The following C4orf51 variants were observed in gnomAD, a reference collection of about 807,000 sequenced individuals.
The protein encoded by C4orf51 is uncharacterized protein C4orf51.
In C4orf51, 25 loss-of-function variants were observed where a neutral mutation model predicts 25.2. The observed-to-expected ratio is 0.99, with a 90% CI of 0.72 to 1.39. The LOEUF (loss-of-function observed/expected upper bound fraction) is 1.39. C4orf51 is among the 40% of genes most tolerant of loss of function. The pLI, the probability that C4orf51 is intolerant of heterozygous loss-of-function variation, is 0.00. For synonymous variants in C4orf51, 100 were observed against 84.5 expected, an observed-to-expected ratio of 1.18 and a Z score of -1.01; for missense variants, 252 against 239.6, an observed-to-expected ratio of 1.05 and a Z score of -0.34.
rs555510769 is a variant in C4orf51, at chr4:145,719,499, G to A, written c.308-7412G>A. ...GGGCGCCTATAGTCCCAGCTACTCG[G>A]GAGGCTGAGGCAGGAGAATGGCGTG... On this transcript the variant is annotated intron_variant, in intron 2 of 5. Coordinates refer to ENST00000438731, the MANE Select transcript of C4orf51 (RefSeq NM_001080531.3). 3.3e-5 allele frequency among the ~76,000 whole-genome samples: 5 copies of A among 151,502 alleles called. No homozygotes were observed. The East Asian group carries it at 9.8e-4, about 30-fold the overall frequency.
At chr4:145,698,559 C>T (rs1730224038) in intron 2 of C4orf51, among the ~76,000 whole-genome samples, 1 of 152,130 alleles carries the variant, frequency 6.6e-6, no homozygotes, top group Non-Finnish European at 1.5e-5. Context: ...TTTTATGATA[C>T]AAATGAAGCC....
In C4orf51 at chr4:145,762,085, TA is replaced by T. The variant is rs1362372266; in HGVS notation, n.167-8902del. Among the ~76,000 whole-genome samples the T allele has an allele frequency of 2.0e-5, 3 of 152,228 alleles. No homozygotes were observed. Among genetic ancestry groups the T allele is most frequent in the East Asian group, 3.9e-4 (2 of 5,172 alleles). ...CTAAGAGGTTTTAAAGAACAGCTTATAGGGGGAGCGCTACCTCCAGCAAACA... is the reference window on the plus strand; with the variant it reads ...CTAAGAGGTTTTAAAGAACAGCTTATGGGGGAGCGCTACCTCCAGCAAACA... On this transcript the variant is annotated intron_variant and non_coding_transcript_variant, in intron 1 of 1. Transcript: ENST00000510096. The surrounding 1 kb of genome is among the most constrained non-coding windows in gnomAD (Gnocchi z 4.9).
chr4:145,776,092 G>A, the C4orf51 span: 73 of 1,001,040 alleles, frequency 7.3e-5, no homozygotes, highest in Non-Finnish European at 5.3e-5. Flanking sequence ...CAATGGTAAT[G>A]CCTAGGAATT....
rs1734731671 is a variant in C4orf51 at position 145,762,754 on chromosome 4, C to T, written n.167-8234C>T. On this transcript the variant is annotated intron_variant and non_coding_transcript_variant, in intron 1 of 1. Transcript: ENST00000510096. This position sits in a 1 kb window ranked among gnomAD's most constrained non-coding sequence, Gnocchi z 4.9. ...GCCATGTTAACAAACTCTGCTGAGC[C>T]TCTCTTTTAGAAGCTGCCAGGCTGG... Among the ~76,000 whole-genome samples the T allele has an allele frequency of 2.0e-5, 3 of 152,230 alleles. No individual in the cohort carries two copies. Among genetic ancestry groups the T allele is most frequent in the East Asian group, 1.9e-4 (1 of 5,198 alleles).
chr4:145,707,004 C>T (rs539283960), intron 2 of C4orf51, among the ~76,000 whole-genome samples: 2 of 152,106 alleles, frequency 1.3e-5, no homozygotes, highest in East Asian at 1.9e-4. Context: ...TTAATAGAGA[C>T]GGGGTTTCAC....
Position 145,680,282 on chromosome 4 carries a change from A to C in C4orf51, c.79A>C (p.Arg27=). The change falls in exon 1 of 6, where the codon AGA becomes CGA. Residue 27 remains arginine, a synonymous_variant. Coordinates refer to ENST00000438731, the MANE Select transcript of C4orf51 (RefSeq NM_001080531.3). ...PLTSQEFDLI[R]RKAGASWQDE... ...TACTTCTCAAGAGTTTGATCTGATCAGACGCAAGGCTGGAGCATCTTGGCA... is the reference window on the plus strand; with the variant it reads ...TACTTCTCAAGAGTTTGATCTGATCCGACGCAAGGCTGGAGCATCTTGGCA... The C allele has an allele frequency of 6.2e-7, 1 of 1,614,014 alleles. No homozygotes were observed. The highest frequency in any genetic ancestry group is 8.5e-7 in the Non-Finnish European group (1 of 1,179,876).
At chr4:145,719,192 T>A (rs1387996731) in intron 2 of C4orf51, among the ~76,000 whole-genome samples, 1 of 152,200 alleles carries the variant, frequency 6.6e-6, no homozygotes, top group Non-Finnish European at 1.5e-5. Flanking sequence ...TTATGGTCCT[T>A]CCATGGTTGG....
At chr4:145,769,024 G>C (rs1056942389) in intron 1 of C4orf51, among the ~76,000 whole-genome samples, 1 of 148,696 alleles carries the variant, frequency 6.7e-6, no homozygotes, top group African/African-American at 2.5e-5. Flanking sequence ...AAATTTTCTA[G>C]AGTGACCATA....
chr4:145,769,964 T>C (rs75073779), intron 1 of C4orf51, among the ~76,000 whole-genome samples: 3,898 of 152,306 alleles, frequency 0.026, 97 homozygotes, highest in African/African-American at 0.064. Flanking sequence ...AAGTAAGCAC[T>C]TCTACTTTTA....
intron 2 of C4orf51, among the ~76,000 whole-genome samples, chr4:145,698,582 T>C (rs1438625066): frequency 6.6e-6 from 1 of 152,236 alleles, no homozygotes; most frequent in African/African-American, 2.4e-5. Context: ...CAGGTAGGTT[T>C]CAGAGAGAAT....
the C4orf51 span, among the ~76,000 whole-genome samples, chr4:145,791,912 A>G: frequency 6.6e-6 from 1 of 152,220 alleles, no homozygotes; most frequent in Non-Finnish European, 1.5e-5. Flanking sequence ...AGCCAGGATT[A>G]AACCCAGGAT....
At chr4:145,702,445 T>C (rs1468186610) in intron 2 of C4orf51, among the ~76,000 whole-genome samples, 5 of 152,154 alleles carry the variant, frequency 3.3e-5, no homozygotes, top group African/African-American at 1.2e-4. Context: ...ACCTGGGCTG[T>C]ACTGCCGCAA....
At chr4:145,731,564 C>CTTTTTTTTTTTTTTTTT (rs398051305) in intron 5 of C4orf51, among the ~76,000 whole-genome samples, 2 of 43,860 alleles carry the variant, frequency 4.6e-5, no homozygotes, top group African/African-American at 1.0e-4. Context: ...CAAGGCAAAT[C>CTTTTTTTTTTTTTTTTT]TTTTTTTTTT....
downstream of C4orf51, among the ~76,000 whole-genome samples, chr4:145,773,707 C>T (rs1228920450): frequency 1.3e-5 from 2 of 152,220 alleles, no homozygotes; most frequent in Non-Finnish European, 2.9e-5. Context: ...GCTTAAATAA[C>T]AGGCGAGCAC....
At chr4:145,735,788 C>T (rs1420156302), downstream of C4orf51, among the ~76,000 whole-genome samples, 1 of 152,176 alleles carries the variant, frequency 6.6e-6, no homozygotes, top group Non-Finnish European at 1.5e-5. Flanking sequence ...CAAAGCTCTG[C>T]TTAACTTGTT....
chr4:145,687,807 T>C (rs1483410073), intron 1 of C4orf51, among the ~76,000 whole-genome samples: 1 of 152,148 alleles, frequency 6.6e-6, no homozygotes, highest in East Asian at 1.9e-4. Context: ...ACTTGTTTGT[T>C]ATAGCAGCAA....
intron 3 of C4orf51, among the ~76,000 whole-genome samples, 187 bp from the exon 4 acceptor site, chr4:145,728,982 A>G (rs2126768224): frequency 6.6e-6 from 1 of 151,922 alleles, no homozygotes; most frequent in East Asian, 1.9e-4. Flanking sequence ...CTGGGCTTAA[A>G]CAATCTCCTG....
At chr4:145,734,586 T>G (rs1732699648), downstream of C4orf51, among the ~76,000 whole-genome samples, 2 of 152,208 alleles carry the variant, frequency 1.3e-5, no homozygotes, top group African/African-American at 4.8e-5. Context: ...AGCCCTTTGC[T>G]GTTCCTCCTG....
the C4orf51 span, among the ~76,000 whole-genome samples, chr4:145,782,114 G>A: frequency 6.6e-6 from 1 of 152,276 alleles, no homozygotes; most frequent in East Asian, 1.9e-4. Context: ...ACAGTCCCAC[G>A]CCCAACTCCA....
Sources: allele counts gnomAD v4.1 joint callset (sites outside exome capture counted in the v4.1 genomes callset), GRCh38; gene constraint gnomAD v4.1.1; non-coding constraint Gnocchi (gnomAD v3.1); transcripts MANE v1.5; gene names NCBI Gene and HGNC (gene_info 2026-07-23, HGNC 2026-07-21).